Variants in ITGBL1 observed in about 807,000 individuals in gnomAD.
The protein encoded by ITGBL1 is integrin subunit beta like 1.
ITGBL1 carries 51 observed loss-of-function variants against 68.5 expected under a neutral mutation model. The ratio of observed to expected loss-of-function variants is 0.74; its 90% CI spans 0.59 to 0.94. ITGBL1 has a LOEUF of 0.94. Among genes scored for constraint, ITGBL1 ranks in the 40% least tolerant of loss-of-function variants. ITGBL1 has a pLI of 0.00. For synonymous variants in ITGBL1, 209 were observed against 227.3 expected, an observed-to-expected ratio of 0.92 and a Z score of 0.72; for missense variants, 649 against 647.4, an observed-to-expected ratio of 1.00 and a Z score of -0.03.
chr13:101,526,962 A>G (rs1230714882), intron 2 of ITGBL1, among the ~76,000 whole-genome samples: 1 of 152,052 alleles, frequency 6.6e-6, no homozygotes, highest in Non-Finnish European at 1.5e-5. Context: ...CTTATATAAT[A>G]TCTAATTTAA....
At chr13:101,556,996 A>G (rs1437901312) in intron 2 of ITGBL1, among the ~76,000 whole-genome samples, 6 of 152,186 alleles carry the variant, frequency 3.9e-5, no homozygotes, top group African/African-American at 1.2e-4. Context: ...TACAAGCAGA[A>G]TTTGAGTCAA....
At chr13:101,704,761 C>T (rs141229499) in intron 8 of ITGBL1, among the ~76,000 whole-genome samples, 50 of 152,248 alleles carry the variant, frequency 3.3e-4, no homozygotes, top group African/African-American at 1.1e-3. Flanking sequence ...GAGTCAGTTC[C>T]GATCTGGCTG....
chr13:101,558,279 A>G (rs949495255), intron 2 of ITGBL1, among the ~76,000 whole-genome samples: 1 of 152,084 alleles, frequency 6.6e-6, no homozygotes, highest in African/African-American at 2.4e-5. Flanking sequence ...ACACAGGGAC[A>G]TAAAGATAGA....
chr13:101,533,317 A>T (rs1382420809), intron 2 of ITGBL1, among the ~76,000 whole-genome samples: 1 of 152,108 alleles, frequency 6.6e-6, no homozygotes, highest in Non-Finnish European at 1.5e-5. Context: ...CAACATTATC[A>T]AGCTTTTCTC....
At chr13:101,583,651 T>G (rs945110694) in intron 6 of ITGBL1, among the ~76,000 whole-genome samples, 32 of 152,284 alleles carry the variant, frequency 2.1e-4, no homozygotes, top group African/African-American at 7.7e-4. Flanking sequence ...CATAAACATA[T>G]GCATCTACTA....
At chr13:101,531,618 G>C (rs1285531551) in intron 2 of ITGBL1, among the ~76,000 whole-genome samples, 1 of 140,084 alleles carries the variant, frequency 7.1e-6, no homozygotes, top group Non-Finnish European at 1.5e-5. Context: ...TTGGGGGGAG[G>C]GGATTTACTT....
intron 2 of ITGBL1, among the ~76,000 whole-genome samples, chr13:101,544,054 A>G (rs928417796): frequency 2.6e-5 from 4 of 152,078 alleles, no homozygotes; most frequent in Admixed American, 6.5e-5. Flanking sequence ...CTCTCAACTC[A>G]TCAAAGTCAT....
chr13:101,705,581 C>A (rs557380275), intron 8 of ITGBL1, among the ~76,000 whole-genome samples: 1 of 151,666 alleles, frequency 6.6e-6, no homozygotes, highest in East Asian at 1.9e-4. Context: ...AGAGGGATTT[C>A]TGTAGAAATT....
chr13:101,564,359 T>C (rs1350869793), intron 2 of ITGBL1, among the ~76,000 whole-genome samples: 2 of 151,892 alleles, frequency 1.3e-5, no homozygotes, highest in Admixed American at 6.6e-5. Context: ...ACTTGATAAA[T>C]TGGATTTAAT....
chr13:101,671,426 G>GTTTTTTTT (rs66501713), intron 7 of ITGBL1, among the ~76,000 whole-genome samples: 1,769 of 112,400 alleles, frequency 0.016, 313 homozygotes, highest in East Asian at 0.043. Flanking sequence ...GTATACCTTT[G>GTTTTTTTT]TTTTTTTTTT....
chr13:101,687,563 A>C (rs1403538193), intron 7 of ITGBL1, among the ~76,000 whole-genome samples: 3 of 152,026 alleles, frequency 2.0e-5, no homozygotes, highest in African/African-American at 7.2e-5. Context: ...TTTGATCGGA[A>C]CTTCTAAAAA....
intron 9 of ITGBL1, 30 bp downstream of exon 9, chr13:101,706,932 A>T (rs778788184): frequency 6.2e-7 from 1 of 1,603,512 alleles, no homozygotes; most frequent in Non-Finnish European, 8.5e-7. Flanking sequence ...CCTGGACTCC[A>T]TTCCTGTTCT....
intron 7 of ITGBL1, among the ~76,000 whole-genome samples, chr13:101,686,164 A>G (rs111956517): frequency 0.02 from 3,036 of 152,156 alleles, 108 homozygotes; most frequent in African/African-American, 0.07. Context: ...TTACTCATCT[A>G]TGTTTTGCCC....
At chr13:101,561,091 G>A (rs1439005629) in intron 2 of ITGBL1, among the ~76,000 whole-genome samples, 1 of 152,178 alleles carries the variant, frequency 6.6e-6, no homozygotes, top group African/African-American at 2.4e-5. Context: ...ATGAGCTCGG[G>A]CTTAGCTGGG....
At chr13:101,701,407 C>A (rs1049047923) in intron 8 of ITGBL1, among the ~76,000 whole-genome samples, 48 of 152,094 alleles carry the variant, frequency 3.2e-4, no homozygotes, top group Admixed American at 4.6e-4. Flanking sequence ...GTGGCACATG[C>A]CTGTAATCCC....
At chr13:101,607,799 C>T (rs182892641) in intron 7 of ITGBL1, among the ~76,000 whole-genome samples, 227 of 152,174 alleles carry the variant, frequency 1.5e-3, no homozygotes, top group Middle Eastern at 3.4e-3. Context: ...AAACTTTTGC[C>T]ATTTATCAAA....
chr13:101,526,894 A>G (rs1166195073), intron 2 of ITGBL1, among the ~76,000 whole-genome samples: 1 of 152,122 alleles, frequency 6.6e-6, no homozygotes, highest in Non-Finnish European at 1.5e-5. Flanking sequence ...ACTAAAAATA[A>G]GAACATTTTC....
intron 9 of ITGBL1, chr13:101,713,958 C>T (rs894767201): frequency 3.9e-5 from 6 of 155,118 alleles, no homozygotes; most frequent in African/African-American, 9.6e-5. Flanking sequence ...TGTGCTCCTA[C>T]TCCAAGAAAA....
intron 2 of ITGBL1, among the ~76,000 whole-genome samples, chr13:101,562,536 G>A (rs1045687046): frequency 2.2e-4 from 34 of 151,958 alleles, no homozygotes; most frequent in African/African-American, 7.5e-4. Context: ...CTATACTGAT[G>A]ATAGACAAAG....
Sources: gnomAD v4.1 joint callset for allele counts (sites outside exome capture counted in the v4.1 genomes callset) on GRCh38, gnomAD v4.1.1 for gene constraint, MANE v1.5 for transcripts, NCBI Gene and HGNC (gene_info 2026-07-23, HGNC 2026-07-21) for gene names.